Variants in PTBP3 observed in about 807,000 individuals in gnomAD.
PTBP3 encodes the protein polypyrimidine tract-binding protein 3.
In PTBP3, 20 loss-of-function variants were observed where a neutral mutation model predicts 58.7. That is an observed-to-expected ratio of 0.34 (90% CI 0.24 to 0.50). PTBP3 has a LOEUF of 0.50. Among genes scored for constraint, PTBP3 ranks in the 20% least tolerant of loss-of-function variants. The probability of loss-of-function intolerance (pLI) is 0.98; values close to 1 mark genes in which losing one functional copy is unlikely to be tolerated. For missense variants in PTBP3, 509 were observed against 637.2 expected (o/e 0.80, Z 2.17); for synonymous variants, 185 against 219.8 (o/e 0.84, Z 1.40).
chr9:112,294,295 T>C (rs149183892), intron 2 of PTBP3, among the ~76,000 whole-genome samples: 12 of 152,280 alleles, frequency 7.9e-5, no homozygotes, highest in African/African-American at 2.9e-4. Flanking sequence ...GGAGGATTGA[T>C]TGATTGAGCC....
chr9:112,322,591 T>C (rs1200760405), intron 1 of PTBP3, among the ~76,000 whole-genome samples: 1 of 152,204 alleles, frequency 6.6e-6, no homozygotes, highest in East Asian at 1.9e-4. Flanking sequence ...AAACTCACAC[T>C]AAAGGCCTTT....
At chr9:112,302,169 T>C (rs997186518) in intron 1 of PTBP3, among the ~76,000 whole-genome samples, 5 of 152,102 alleles carry the variant, frequency 3.3e-5, no homozygotes, top group African/African-American at 1.2e-4. Context: ...CAAATTTCAA[T>C]TGACAGCAAA....
intron 2 of PTBP3, among the ~76,000 whole-genome samples, chr9:112,277,946 T>TATAAC (rs146999681): frequency 0.021 from 1,197 of 57,990 alleles, 34 homozygotes; most frequent in African/African-American, 0.063. Flanking sequence ...CATAACATAA[T>TATAAC]ATAACATAAC....
the PTBP3 span, among the ~76,000 whole-genome samples, chr9:112,378,088 T>G: frequency 7.4e-6 from 1 of 134,952 alleles, no homozygotes; most frequent in Non-Finnish European, 1.6e-5. Context: ...AATGAAGATC[T>G]AATTATGTTC....
At chr9:112,267,760 ATGAT>A (rs1314114797) in intron 4 of PTBP3, among the ~76,000 whole-genome samples, 5 of 152,358 alleles carry the variant, frequency 3.3e-5, no homozygotes, top group Admixed American at 6.5e-5. Flanking sequence ...ATTGAAATGA[ATGAT>A]TAAGTTCCTT....
Position 112,262,462 on chromosome 9 carries a change from G to A in PTBP3, c.489C>T (p.Tyr163=), listed in dbSNP as rs1276197925. The change falls in exon 5 of 14, where the codon TAC becomes TAT. Residue 163 remains tyrosine (Y), a synonymous_variant. Coordinates refer to ENST00000374257, the MANE Select transcript of PTBP3 (RefSeq NM_001163788.4). ...GATGAAGAACTTCCAGGGTAACAGG[G>A]TAAAAGAGGTTTTCAATAATTATTC... ...VLRIIIENLF[Y]PVTLEVLHQI... 2 of 1,609,008 alleles carry A rather than the reference G, an allele frequency of 1.2e-6. No individual in the cohort carries two copies. Among genetic ancestry groups the A allele is most frequent in the African/African-American group, 1.3e-5 (1 of 74,608 alleles).
At chr9:112,365,199 T>C in the PTBP3 span, among the ~76,000 whole-genome samples, 1 of 152,236 alleles carries the variant, frequency 6.6e-6, no homozygotes, top group African/African-American at 2.4e-5. Flanking sequence ...TATCTATCTA[T>C]ACATATGTCA....
intron 1 of PTBP3, among the ~76,000 whole-genome samples, chr9:112,317,741 GTT>G (rs891715577): frequency 6.6e-6 from 1 of 152,146 alleles, no homozygotes; most frequent in African/African-American, 2.4e-5. Context: ...GAGGTCAGGA[GTT>G]TGAGACCAGC....
chr9:112,372,899 CTT>C, the PTBP3 span, among the ~76,000 whole-genome samples: 34 of 136,844 alleles, frequency 2.5e-4, no homozygotes, highest in Admixed American at 6.6e-4. Flanking sequence ...CATAGGCTTT[CTT>C]TTTTTTTTTT....
chr9:112,342,529 C>T, the PTBP3 span, among the ~76,000 whole-genome samples: 3,670 of 152,234 alleles, frequency 0.024, 88 homozygotes, highest in African/African-American at 0.063. Flanking sequence ...CCAGCCTGGC[C>T]AACATGGTGA....
chr9:112,251,011 G>C lies in PTBP3; in HGVS notation c.720C>G (p.Asp240Glu). 1 of 1,612,370 alleles carries C rather than the reference G, an allele frequency of 6.2e-7. No individual in the cohort carries two copies. The stretch of plus-strand genomic sequence containing the variant: ...CTAAGCGAGTGAAGTCTCTGCTTTT[G>C]TCATTATTATATTTCACATTAAGGC... ...LTSLNVKYNN[D>E]KSRDFTRLDL... is the part of the protein sequence containing the mutation. Residue 240 changes from aspartate to glutamate, a missense_variant, in exon 7 of 14, where the codon GAC (aspartate) becomes GAG (glutamate). Asp to Glu is a conservative substitution (Grantham distance 45). Transcript: ENST00000374257.
chr9:112,359,840 C>A, the PTBP3 span, among the ~76,000 whole-genome samples: 6 of 149,688 alleles, frequency 4.0e-5, no homozygotes, highest in African/African-American at 7.3e-5. Context: ...AACAAAACAC[C>A]AAAAAAAAAA....
chr9:112,250,639 TTAA>T (rs1029376076), intron 7 of PTBP3, among the ~76,000 whole-genome samples: 2 of 152,170 alleles, frequency 1.3e-5, no homozygotes, highest in Admixed American at 6.5e-5. Flanking sequence ...TAAGTTAATG[TTAA>T]TAAGACTACT....
At chr9:112,236,116 A>G (rs10118422) in intron 7 of PTBP3, among the ~76,000 whole-genome samples, 84,178 of 151,624 alleles carry the variant, frequency 0.56, 25,021 homozygotes, top group African/African-American at 0.79. Context: ...GGAGTTAAAA[A>G]CTCATATAAT....
chr9:112,337,816 C>G (rs1830589335), upstream of PTBP3, among the ~76,000 whole-genome samples: 1 of 152,192 alleles, frequency 6.6e-6, no homozygotes, highest in South Asian at 2.1e-4. Context: ...TTCCAGTAGG[C>G]AGTGGTTAGT....
At chr9:112,357,521 G>C in the PTBP3 span, among the ~76,000 whole-genome samples, 1 of 151,926 alleles carries the variant, frequency 6.6e-6, no homozygotes, top group African/African-American at 2.4e-5. Context: ...ACTAATTTTT[G>C]TATTTTTTAT....
chr9:112,374,521 C>T, the PTBP3 span, among the ~76,000 whole-genome samples: 3 of 152,144 alleles, frequency 2.0e-5, no homozygotes, highest in African/African-American at 7.2e-5. Flanking sequence ...GAGAACTTTG[C>T]CCCAGCCCTG....
At chr9:112,377,750 A>C in the PTBP3 span, among the ~76,000 whole-genome samples, 1 of 152,178 alleles carries the variant, frequency 6.6e-6, no homozygotes, top group Admixed American at 6.5e-5. Flanking sequence ...CCTGACTTTC[A>C]AGACATCTAT....
intron 1 of PTBP3, among the ~76,000 whole-genome samples, chr9:112,331,082 AACACACACACACACACACACACACAC>A (rs10660591): frequency 2.2e-5 from 3 of 139,434 alleles, no homozygotes; most frequent in African/African-American, 5.3e-5. Context: ...GGAGGAAACG[AACACACACACACACACACACACACAC>A]ACACACACAC....
Sources: gnomAD v4.1 joint callset for allele counts (sites outside exome capture counted in the v4.1 genomes callset) on GRCh38, gnomAD v4.1.1 for gene constraint, MANE v1.5 for transcripts, NCBI Gene and HGNC (gene_info 2026-07-23, HGNC 2026-07-21) for gene names.